LINGO2: variants seen among roughly 807,000 people sequenced by gnomAD.
LINGO2 encodes leucine-rich repeat and immunoglobulin-like domain-containing nogo receptor-interacting protein 2.
LINGO2 carries 14 observed loss-of-function variants against 30.6 expected under a neutral mutation model. The observed-to-expected ratio is 0.46, with a 90% confidence interval of 0.30 to 0.72. LINGO2 has a LOEUF of 0.72. Among genes scored for constraint, LINGO2 ranks in the 30% least tolerant of loss-of-function variants. The pLI, the probability that LINGO2 is intolerant of heterozygous loss-of-function variation, is 0.07. For missense variants in LINGO2, 729 were observed against 751.7 expected, an observed-to-expected ratio of 0.97 and a Z score of 0.35; for synonymous variants, 317 against 288.5, an observed-to-expected ratio of 1.10 and a Z score of -1.00.
the LINGO2 span, among the ~76,000 whole-genome samples, chr9:29,054,723 G>A: frequency 6.6e-6 from 1 of 152,058 alleles, no homozygotes; most frequent in Non-Finnish European, 1.5e-5. Flanking sequence ...GCATCTATAA[G>A]TAATAGAATA....
At chr9:28,454,859 T>C (rs16913123) in intron 2 of LINGO2, among the ~76,000 whole-genome samples, 6 of 151,964 alleles carry the variant, frequency 3.9e-5, no homozygotes, top group African/African-American at 1.2e-4. Flanking sequence ...TTAATATAGA[T>C]GAAAGAGCTT....
chr9:28,062,908 C>T lies in LINGO2; in HGVS notation c.-86-50503G>A, dbSNP rs140851662. On this transcript the variant is annotated intron_variant, in intron 4 of 5. Coordinates refer to ENST00000379992, the Ensembl canonical transcript of LINGO2. Reference sequence around the variant, plus strand: ...CTGCACTTCCATCCACCACCAACCCCCAGCTGTAGGCAACCACGAATTTAC... The same window carrying T: ...CTGCACTTCCATCCACCACCAACCCTCAGCTGTAGGCAACCACGAATTTAC... Among the ~76,000 whole-genome samples, 996 of 152,060 alleles carry T rather than the reference C, an allele frequency of 6.6e-3. 9 individuals carry two copies. The highest frequency in any genetic ancestry group is 0.022 in the African/African-American group (914 of 41,510).
intron 4 of LINGO2, among the ~76,000 whole-genome samples, chr9:28,292,712 C>T (rs563092793): frequency 2.6e-4 from 40 of 152,048 alleles, no homozygotes; most frequent in Non-Finnish European, 4.6e-4. Flanking sequence ...GATCCACCTG[C>T]CTAGGTCTCC....
chr9:28,143,441 G>C (rs1827729658), intron 4 of LINGO2, among the ~76,000 whole-genome samples: 1 of 152,072 alleles, frequency 6.6e-6, no homozygotes, highest in African/African-American at 2.4e-5. Flanking sequence ...AATCTCTTTT[G>C]TATGAAAGCC....
chr9:28,208,119 T>C (rs562404940), intron 4 of LINGO2, among the ~76,000 whole-genome samples: 49 of 152,262 alleles, frequency 3.2e-4, no homozygotes, highest in Non-Finnish European at 5.6e-4. Flanking sequence ...AATGTCAGAA[T>C]GCATACAGTT....
chr9:28,857,034 G>GAAAAATTCT, the LINGO2 span, among the ~76,000 whole-genome samples: 14 of 152,080 alleles, frequency 9.2e-5, no homozygotes, highest in East Asian at 2.5e-3. Context: ...TTATTTGGAA[G>GAAAAATTCT]GGTACAGAAT....
chr9:28,689,308 G>A, the LINGO2 span, among the ~76,000 whole-genome samples: 4 of 152,072 alleles, frequency 2.6e-5, no homozygotes, highest in Non-Finnish European at 1.5e-5. Flanking sequence ...TAATGAATCT[G>A]ACAAATAGCC....
At chr9:28,916,399 A>G in the LINGO2 span, among the ~76,000 whole-genome samples, 1 of 152,168 alleles carries the variant, frequency 6.6e-6, no homozygotes, top group African/African-American at 2.4e-5. Flanking sequence ...GATAAGAAAC[A>G]TTTACAATCT....
the LINGO2 span, among the ~76,000 whole-genome samples, chr9:28,682,632 T>A: frequency 6.6e-6 from 1 of 152,104 alleles, no homozygotes; most frequent in Non-Finnish European, 1.5e-5. Flanking sequence ...ATATATTGTT[T>A]TTGCAGCAAT....
In LINGO2 at chr9:28,147,281, G is replaced by A. The variant is rs1827840315; in HGVS notation, c.-86-134876C>T. 6.6e-6 allele frequency among the ~76,000 whole-genome samples: 1 copy of A among 152,224 alleles called. No individual in the cohort carries two copies. Among genetic ancestry groups the A allele is most frequent in the Non-Finnish European group, 1.5e-5 (1 of 68,032 alleles). ...CCAGCTGTGGAATCGCACAGCCTGG[G>A]TTCAAAGCCTGGCTGGGCCATGACC... On this transcript the variant is annotated intron_variant, in intron 4 of 5. Transcript: ENST00000379992. This position sits in a 1 kb window ranked among gnomAD's most constrained non-coding sequence, Gnocchi z 4.7.
intron 4 of LINGO2, among the ~76,000 whole-genome samples, chr9:28,184,642 ACT>A (rs1411816232): frequency 1.3e-5 from 2 of 151,964 alleles, no homozygotes; most frequent in Non-Finnish European, 2.9e-5. Context: ...AGAGAGACTG[ACT>A]CTGAGTCTGA....
At chr9:28,305,720 T>A (rs1051527660) in intron 3 of LINGO2, among the ~76,000 whole-genome samples, 1 of 152,058 alleles carries the variant, frequency 6.6e-6, no homozygotes, top group Non-Finnish European at 1.5e-5. Context: ...AGAATCCGTA[T>A]GTAATTTCTT....
the LINGO2 span, among the ~76,000 whole-genome samples, chr9:29,107,934 G>C: frequency 6.6e-6 from 1 of 151,564 alleles, no homozygotes. Context: ...AATACTGAGA[G>C]AGTATTCTAT....
chr9:27,940,304 T>C, the LINGO2 span: 5 of 152,192 alleles, frequency 3.3e-5, no homozygotes, highest in African/African-American at 9.7e-5. Context: ...ATAGCTGTAA[T>C]AAGCGATCTC....
the LINGO2 span, among the ~76,000 whole-genome samples, chr9:28,963,995 A>T: frequency 6.6e-6 from 1 of 151,924 alleles, no homozygotes; most frequent in African/African-American, 2.4e-5. Context: ...TCCAGATTTG[A>T]TCATTACCCA....
At chr9:27,945,118 C>T (rs1823314055), downstream of LINGO2, among the ~76,000 whole-genome samples, 1 of 152,048 alleles carries the variant, frequency 6.6e-6, no homozygotes, top group South Asian at 2.1e-4. Flanking sequence ...CTTCTGAGTA[C>T]ATCCCCTGAA....
At chr9:28,864,066 CTA>C in the LINGO2 span, among the ~76,000 whole-genome samples, 1 of 152,144 alleles carries the variant, frequency 6.6e-6, no homozygotes, top group African/African-American at 2.4e-5. Flanking sequence ...AATAATAAAA[CTA>C]TATGTAATTC....
intron 2 of LINGO2, among the ~76,000 whole-genome samples, chr9:28,428,937 C>T (rs10812819): frequency 0.13 from 19,282 of 152,110 alleles, 1,421 homozygotes; most frequent in East Asian, 0.23. Flanking sequence ...ACTCAAAAGG[C>T]CTAGCCATAT....
intron 4 of LINGO2, among the ~76,000 whole-genome samples, chr9:28,058,873 CTT>C (rs1467434972): frequency 3.3e-5 from 5 of 152,078 alleles, no homozygotes; most frequent in Non-Finnish European, 4.4e-5. Context: ...ACTGTTAAAA[CTT>C]TGCATTTTTC....
Sources: allele counts gnomAD v4.1 joint callset (sites outside exome capture counted in the v4.1 genomes callset), GRCh38; gene constraint gnomAD v4.1.1; non-coding constraint Gnocchi (gnomAD v3.1); transcripts MANE v1.5; gene names NCBI Gene and HGNC (gene_info 2026-07-23, HGNC 2026-07-21).